TRPM4: variants seen among roughly 807,000 people sequenced by gnomAD.
TRPM4 encodes the protein transient receptor potential cation channel subfamily M member 4, also known as calcium-activated non-selective cation channel 1.
TRPM4 carries 124 observed loss-of-function variants against 135.6 expected under a neutral mutation model. The ratio of observed to expected loss-of-function variants is 0.91; its 90% confidence interval spans 0.79 to 1.06. The LOEUF (loss-of-function observed/expected upper bound fraction) is 1.06, where lower values mean the gene tolerates loss of function less well. Among genes scored for constraint, TRPM4 ranks in the 50% least tolerant of loss-of-function variants. TRPM4 has a pLI of 0.00. For synonymous variants in TRPM4, 745 were observed against 705.6 expected (o/e 1.06, Z -0.88); for missense variants, 1,658 against 1,671.4 (o/e 0.99, Z 0.14).
At chr19:49,209,278 T>C (rs1486229157) in intron 20 of TRPM4, among the ~76,000 whole-genome samples, 1 of 152,226 alleles carries the variant, frequency 6.6e-6, no homozygotes, top group Non-Finnish European at 1.5e-5. Context: ...GCTGGCCTCA[T>C]AGAATGAGTT....
At chr19:49,188,793 G>A in intron 13 of TRPM4, 23 bp downstream of exon 13, 1 of 1,613,638 alleles carries the variant, frequency 6.2e-7, no homozygotes, top group East Asian at 2.2e-5. Context: ...CGGTGCCTGG[G>A]AGCAGGGACG....
chr19:49,197,688 C>CT (rs551709011), intron 17 of TRPM4, among the ~76,000 whole-genome samples: 1,531 of 143,144 alleles, frequency 0.011, 8 homozygotes, highest in South Asian at 0.03. Flanking sequence ...TCTTTCTTTT[C>CT]TTTTTTTTTT....
rs1214063137 is a variant in TRPM4, at chr19:49,200,670, G to C, written c.2838G>C (p.Val946=). ...GCGTGTGGCTGGTAGCCTATGGCGT[G>C]GCCACGGAGGGGCTCCTGAGGCCAC... The part of the protein sequence containing the change: ...FLGVWLVAYG[V]ATEGLLRPRD... The change falls in exon 19 of 25, where the codon GTG becomes GTC. Residue 946 remains valine (V), a synonymous_variant. Transcript: ENST00000252826. 2.9e-5 allele frequency: 47 copies of C among 1,613,964 alleles called. No homozygotes were observed. Among genetic ancestry groups the C allele is most frequent in the Non-Finnish European group, 4.0e-5 (47 of 1,180,014 alleles).
chr19:49,173,434 C>T (rs1967550444), intron 9 of TRPM4, among the ~76,000 whole-genome samples: 1 of 152,208 alleles, frequency 6.6e-6, no homozygotes. Context: ...TCTTTTCATT[C>T]ATCCATCCAA....
In TRPM4 at chr19:49,175,664, C is replaced by CT. The variant is rs545301831; in HGVS notation, c.1150+3570dup. 3.2e-3 allele frequency among the ~76,000 whole-genome samples: 452 copies of CT among 140,050 alleles called. 1 individual carries two copies. The highest frequency in any genetic ancestry group is 4.5e-3 in the Non-Finnish European group (287 of 64,042). 91.9% of individuals were successfully genotyped at this position (140,050 alleles called of 152,430 possible). A position where few individuals can be genotyped will look rare whatever the true frequency, so the allele number is the denominator to read the frequency against. ...TTATTTTAATTATTTCTTTCTTTTT[C>CT]TTTTTTTTTTTTTTGAGACAGAGTC... On this transcript the variant is annotated intron_variant, in intron 9 of 24. Coordinates refer to ENST00000252826, the MANE Select transcript of TRPM4 (RefSeq NM_017636.4).
chr19:49,205,242 T>C (rs1346998297), intron 20 of TRPM4, among the ~76,000 whole-genome samples: 2 of 152,154 alleles, frequency 1.3e-5, no homozygotes, highest in Non-Finnish European at 2.9e-5. Context: ...CAAGCTGTTT[T>C]CTTCTGAGGG....
At position 49,168,103 on chromosome 19, in the gene TRPM4, C is replaced by T. The variant is rs78051297; in HGVS notation, c.448+6C>T. ...GCGGGCTGCCCAGAGCACAGGTGAC[C>T]GAGGGTGGGTGGGGGCTGTCTCCTG... On this transcript the variant is annotated splice_donor_region_variant and intron_variant, in intron 4 of 24. Transcript: ENST00000252826. The T allele has an allele frequency of 1.7e-3, 2,789 of 1,599,858 alleles. 46 individuals carry two copies. In the African/African-American group the frequency reaches 0.033, roughly 19 times the overall value.
rs1350945450 is a variant in TRPM4, at chr19:49,171,183, A to G, written c.797-174A>G. ...CCCTGGCCAACATAGCAAGACCCCC[A>G]TTTCTAAAATAAATACATAATTAAG... On this transcript the variant is annotated intron_variant, in intron 6 of 24. Transcript: ENST00000252826. The surrounding 1 kb of genome is among the most constrained non-coding windows in gnomAD (Gnocchi z 4.7). Among the ~76,000 whole-genome samples the G allele has an allele frequency of 6.6e-6, 1 of 152,208 alleles. No individual in the cohort carries two copies. Among genetic ancestry groups the G allele is most frequent in the Non-Finnish European group, 1.5e-5 (1 of 68,034 alleles).
intron 10 of TRPM4, among the ~76,000 whole-genome samples, chr19:49,181,681 G>A (rs920700590): frequency 7.3e-5 from 11 of 151,622 alleles, no homozygotes; most frequent in Admixed American, 3.9e-4. Context: ...ACAGGCGCCC[G>A]CCACCACACC....
At chr19:49,187,904 G>C (rs1968258178) in intron 12 of TRPM4, among the ~76,000 whole-genome samples, 1 of 152,110 alleles carries the variant, frequency 6.6e-6, no homozygotes. Context: ...AGAACTGGTT[G>C]AGCCAGACTA....
intron 20 of TRPM4, among the ~76,000 whole-genome samples, chr19:49,206,766 G>A (rs755661703): frequency 1.4e-4 from 22 of 152,176 alleles, no homozygotes; most frequent in Non-Finnish European, 2.1e-4. Context: ...GAGGGATTGC[G>A]TTGAATCTGT....
chr19:49,192,205 C>T (rs1242382954), intron 16 of TRPM4, among the ~76,000 whole-genome samples: 2 of 152,142 alleles, frequency 1.3e-5, no homozygotes, highest in Non-Finnish European at 1.5e-5. Flanking sequence ...TGCGGTGCCG[C>T]GATCTCATCT....
At chr19:49,206,892 T>C (rs1306214319) in intron 20 of TRPM4, among the ~76,000 whole-genome samples, 5 of 152,238 alleles carry the variant, frequency 3.3e-5, no homozygotes, top group Admixed American at 3.3e-4. Flanking sequence ...ACTTTATTCC[T>C]AGGTGCTTAA....
At chr19:49,202,417 T>A (rs1452499748) in intron 20 of TRPM4, among the ~76,000 whole-genome samples, 2 of 152,070 alleles carry the variant, frequency 1.3e-5, no homozygotes, top group Non-Finnish European at 2.9e-5. Flanking sequence ...GATCGTAGCT[T>A]ACTGCAGCCT....
At chr19:49,203,163 T>G (rs1291434173) in intron 20 of TRPM4, among the ~76,000 whole-genome samples, 6 of 151,702 alleles carry the variant, frequency 4.0e-5, no homozygotes, top group Non-Finnish European at 7.4e-5. Flanking sequence ...AGTGCTAGGA[T>G]TACAGGCGTG....
chr19:49,186,597 T>C (rs34719929), intron 12 of TRPM4, among the ~76,000 whole-genome samples: 51,300 of 151,942 alleles, frequency 0.34, 8,920 homozygotes, highest in African/African-American at 0.42. Flanking sequence ...ACAGGCCGGG[T>C]GCAGTGGCTC....
intron 1 of TRPM4, 100 bp downstream of exon 1, chr19:49,157,990 C>A (rs1402755857): frequency 7.2e-7 from 1 of 1,398,114 alleles, no homozygotes; most frequent in East Asian, 2.5e-5. Flanking sequence ...CTGGGTCAGA[C>A]GGAGGAGGGG....
intron 16 of TRPM4, among the ~76,000 whole-genome samples, chr19:49,193,137 GTGGCA>G: frequency 6.7e-6 from 1 of 148,712 alleles, no homozygotes; most frequent in South Asian, 2.1e-4. Flanking sequence ...CTGGAGTGCA[GTGGCA>G]TGATCTCGGC....
chr19:49,191,251 G>C (rs989435898), intron 16 of TRPM4, among the ~76,000 whole-genome samples: 2 of 152,122 alleles, frequency 1.3e-5, no homozygotes, highest in Non-Finnish European at 2.9e-5. Flanking sequence ...AGTTGCCCAG[G>C]CTGGAGTGCA....
Sources: allele counts gnomAD v4.1 joint callset (sites outside exome capture counted in the v4.1 genomes callset), GRCh38; gene constraint gnomAD v4.1.1; non-coding constraint Gnocchi (gnomAD v3.1); transcripts MANE v1.5; gene names NCBI Gene and HGNC (gene_info 2026-07-23, HGNC 2026-07-21).